Variants in PRCD observed in about 807,000 individuals in gnomAD.
PRCD encodes photoreceptor disc component.
In PRCD, 12 loss-of-function variants were observed where a neutral mutation model predicts 10.1. That is an observed-to-expected ratio of 1.18 (90% confidence interval 0.76 to 1.92). The LOEUF (loss-of-function observed/expected upper bound fraction) is 1.92, where lower values mean the gene tolerates loss of function less well. PRCD is among the 40% of genes most tolerant of loss of function. PRCD has a pLI of 0.00. For synonymous variants in PRCD, 31 were observed against 26.2 expected (o/e 1.18, Z -0.56); for missense variants, 61 against 72.2 (o/e 0.84, Z 0.56).
At position 76,531,178 on chromosome 17, in the gene PRCD, G is replaced by C. The variant is rs370736433; in HGVS notation, n.45+3345G>C. 894 of 1,595,690 alleles carry C rather than the reference G, an allele frequency of 5.6e-4. 1 individual carries two copies. The highest frequency in any genetic ancestry group is 7.3e-4 in the Non-Finnish European group (856 of 1,168,354). On this transcript the variant is annotated intron_variant and non_coding_transcript_variant, in intron 1 of 4. Transcript: ENST00000397633. This position sits in a 1 kb window ranked among gnomAD's most constrained non-coding sequence, Gnocchi z 7.4. The stretch of plus-strand genomic sequence containing the variant: ...AGGGAGGAAGGGGGAGTGAACGCCC[G>C]GGCGCCCTGCGTCCTGCAACCCCCA...
At chr17:76,535,457 G>A (rs1236589460), upstream of PRCD, among the ~76,000 whole-genome samples, 2 of 152,196 alleles carry the variant, frequency 1.3e-5, no homozygotes, top group Non-Finnish European at 2.9e-5. Context: ...CCTGGACAGA[G>A]ACAGGAGGAG....
At position 76,544,997 on chromosome 17, in the gene PRCD, C is replaced by T. The variant is rs780340686; in HGVS notation, c.*1347C>T. ...AGAGGAAGGGGCTGCTGGCGGCCAG[C>T]GGGGCTGTGGCTGCCTGGGCTTGGA... On this transcript the variant is annotated 3_prime_UTR_variant, in exon 5 of 5. Coordinates refer to ENST00000592014, the MANE Select transcript of PRCD (RefSeq NM_001077620.3). 65 of 441,116 alleles carry T rather than the reference C, an allele frequency of 1.5e-4. No homozygotes were observed. The highest frequency in any genetic ancestry group is 2.6e-4 in the African/African-American group (12 of 46,100). The allele number at this position is 441,116 out of a possible 1,614,324, so 27.3% of individuals were successfully genotyped here.
intron 1 of PRCD, among the ~76,000 whole-genome samples, chr17:76,534,144 C>CG (rs2074885673): frequency 9.2e-6 from 1 of 109,282 alleles, no homozygotes; most frequent in Non-Finnish European, 1.8e-5. Flanking sequence ...CTCTCTTTCT[C>CG]TTTCTCTCTC....
chr17:76,531,496 G>A lies in PRCD; in HGVS notation n.45+3663G>A, dbSNP rs1427019985. 11 of 1,612,990 alleles carry A rather than the reference G, an allele frequency of 6.8e-6. No homozygotes were observed. Among genetic ancestry groups the A allele is most frequent in the African/African-American group, 2.7e-5 (2 of 74,928 alleles). On this transcript the variant is annotated intron_variant and non_coding_transcript_variant, in intron 1 of 4. Transcript: ENST00000397633. The surrounding 1 kb of genome is among the most constrained non-coding windows in gnomAD (Gnocchi z 7.4). ...CCGGTTCCACCTTGTGCTTGAGGGC[G>A]TGGGCTTTCCCCACAAGGGCGAGCA...
intron 2 of PRCD, 92 bp from the exon 3 acceptor site, chr17:76,542,461 T>G: frequency 1.4e-6 from 2 of 1,453,014 alleles, no homozygotes; most frequent in Non-Finnish European, 1.9e-6. Context: ...TTGGGGTGAA[T>G]TGATAGGGAT....
At chr17:76,529,457 G>A (rs552413552) in intron 1 of PRCD, 4 of 985,334 alleles carry the variant, frequency 4.1e-6, no homozygotes, top group Non-Finnish European at 4.8e-6. Context: ...GGGTGGGGAG[G>A]GCAGGACGGG....
Position 76,544,198 on chromosome 17 carries a change from C to T in PRCD, c.*548C>T, listed in dbSNP as rs1400407118. The stretch of plus-strand genomic sequence containing the variant: ...CAGCTATTAGTCTTCAAAAACCCCC[C>T]GTGCCTCTGTGCACACGCGTCTCTC... On this transcript the variant is annotated 3_prime_UTR_variant, in exon 5 of 5. Coordinates refer to ENST00000592014, the MANE Select transcript of PRCD (RefSeq NM_001077620.3). 11 of 454,436 alleles carry T rather than the reference C, an allele frequency of 2.4e-5. No homozygotes were observed. The highest frequency in any genetic ancestry group is 4.0e-5 in the Non-Finnish European group (9 of 226,814). 28.2% of individuals were successfully genotyped at this position (454,436 alleles called of 1,614,324 possible). A position where few individuals can be genotyped will look rare whatever the true frequency, so the allele number is the denominator to read the frequency against.
chr17:76,535,697 G>A (rs1374801009), upstream of PRCD, among the ~76,000 whole-genome samples: 1 of 152,220 alleles, frequency 6.6e-6, no homozygotes, highest in Non-Finnish European at 1.5e-5. Flanking sequence ...GAGAGAGAAA[G>A]AAATCCTTGC....
In PRCD at chr17:76,540,247, T is replaced by TGTTG; in HGVS notation, c.74+33_74+34insTTGG. On this transcript the variant is annotated intron_variant, in intron 1 of 4. Transcript: ENST00000592014. This position sits in a 1 kb window ranked among gnomAD's most constrained non-coding sequence, Gnocchi z 5.0. ...AACTGACCGGGCTATGGCTGGCGGT[T>TGTTG]GGTCGGGGGGGGGGGGCATGGGGCT... The TGTTG allele has an allele frequency of 4.6e-6, 1 of 218,306 alleles. No homozygotes were observed. Among genetic ancestry groups the TGTTG allele is most frequent in the Non-Finnish European group, 7.7e-6 (1 of 129,614 alleles). The allele number at this position is 218,306 out of a possible 1,614,324, so 13.5% of individuals were successfully genotyped here.
At position 76,531,999 on chromosome 17, in the gene PRCD, T is replaced by A; in HGVS notation, n.45+4166T>A. The A allele has an allele frequency of 7.0e-6, 2 of 284,170 alleles. No individual in the cohort carries two copies. Among genetic ancestry groups the A allele is most frequent in the South Asian group, 1.5e-4 (2 of 13,096 alleles). The allele number at this position is 284,170 out of a possible 1,614,324, so 17.6% of individuals were successfully genotyped here. A position where few individuals can be genotyped will look rare whatever the true frequency, so the allele number is the denominator to read the frequency against. On this transcript the variant is annotated intron_variant and non_coding_transcript_variant, in intron 1 of 4. Coordinates refer to the PRCD transcript ENST00000397633. This position sits in a 1 kb window ranked among gnomAD's most constrained non-coding sequence, Gnocchi z 7.4. Reference sequence around the variant, plus strand: ...ACTCTACACCCCCTTCAAGCCCTGCTCTAGTCATAGCCGAGAGGGTAAGAA... The same window carrying A: ...ACTCTACACCCCCTTCAAGCCCTGCACTAGTCATAGCCGAGAGGGTAAGAA...
chr17:76,538,845 C>T (rs557094627), upstream of PRCD, among the ~76,000 whole-genome samples: 73 of 152,370 alleles, frequency 4.8e-4, no homozygotes, highest in Non-Finnish European at 7.8e-4. Context: ...AGGCTCCCGG[C>T]GACCCCTGTC....
chr17:76,537,492 C>T (rs760384447), upstream of PRCD: 18 of 1,583,822 alleles, frequency 1.1e-5, no homozygotes, highest in Middle Eastern at 1.7e-4. Flanking sequence ...CGGACAGCTC[C>T]TCGCTCCGCT....
Position 76,530,990 on chromosome 17 carries a change from G to T in PRCD, n.45+3157G>T. 2 of 1,606,210 alleles carry T rather than the reference G, an allele frequency of 1.2e-6. No homozygotes were observed. The highest frequency in any genetic ancestry group is 1.7e-6 in the Non-Finnish European group (2 of 1,175,732). On this transcript the variant is annotated intron_variant and non_coding_transcript_variant, in intron 1 of 4. Coordinates refer to the PRCD transcript ENST00000397633. This position sits in a 1 kb window ranked among gnomAD's most constrained non-coding sequence, Gnocchi z 6.1. Reference sequence around the variant, plus strand: ...GCCCGCCTCCTCACGTGGTGGCGTTGGGGACCTGCTGCACCCAGCCCACTT... The same window carrying T: ...GCCCGCCTCCTCACGTGGTGGCGTTTGGGACCTGCTGCACCCAGCCCACTT...
Position 76,544,240 on chromosome 17 carries a change from C to G in PRCD, c.*590C>G, listed in dbSNP as rs144319284. Reference sequence around the variant, plus strand: ...GCGTCTCTCCTCCCCAGCCAGCCCCCCTCCCAGCCCAGCGGCGATGTCTCT... The same window carrying G: ...GCGTCTCTCCTCCCCAGCCAGCCCCGCTCCCAGCCCAGCGGCGATGTCTCT... On this transcript the variant is annotated 3_prime_UTR_variant, in exon 5 of 5. Coordinates refer to ENST00000592014, the MANE Select transcript of PRCD (RefSeq NM_001077620.3). 124 of 454,466 alleles carry G rather than the reference C, an allele frequency of 2.7e-4. No homozygotes were observed. The highest frequency in any genetic ancestry group is 4.2e-4 in the Non-Finnish European group (96 of 226,808). The allele number at this position is 454,466 out of a possible 1,614,324, so 28.2% of individuals were successfully genotyped here.
rs2074972123 is a variant in PRCD, at chr17:76,540,250, TCGGGGGGG to T, written c.74+36_74+43del. ...TGACCGGGCTATGGCTGGCGGTTGG[TCGGGGGGG>T]GGGGGCATGGGGCTGGGCTGCCACC... is the stretch of plus-strand genomic sequence containing the variant. On this transcript the variant is annotated intron_variant, in intron 1 of 4. Coordinates refer to ENST00000592014, the MANE Select transcript of PRCD (RefSeq NM_001077620.3). This position sits in a 1 kb window ranked among gnomAD's most constrained non-coding sequence, Gnocchi z 5.0. 6.5e-6 allele frequency: 3 copies of T among 463,676 alleles called. No homozygotes were observed. Among genetic ancestry groups the T allele is most frequent in the Middle Eastern group, 4.7e-4 (1 of 2,128 alleles). The allele number at this position is 463,676 out of a possible 1,614,324, so 28.7% of individuals were successfully genotyped here.
upstream of PRCD, among the ~76,000 whole-genome samples, chr17:76,535,484 G>A (rs150044095): frequency 6.6e-6 from 1 of 152,152 alleles, no homozygotes; most frequent in East Asian, 1.9e-4. Context: ...AGGAAAGCAA[G>A]GCCCTGTGGG....
chr17:76,531,757 AG>A lies in PRCD; in HGVS notation n.45+3926del. ...GCCTCGGGCCCACCCTGAAGCTTCC[AG>A]GATAGTGGGGGCTGAAGAAGTGGAC... On this transcript the variant is annotated intron_variant and non_coding_transcript_variant, in intron 1 of 4. Coordinates refer to the PRCD transcript ENST00000397633. This position sits in a 1 kb window ranked among gnomAD's most constrained non-coding sequence, Gnocchi z 7.4. 1.4e-6 allele frequency: 2 copies of A among 1,385,444 alleles called. No homozygotes were observed. The highest frequency in any genetic ancestry group is 2.0e-6 in the Non-Finnish European group (2 of 1,009,012). The allele number at this position is 1,385,444 out of a possible 1,614,324, so 85.8% of individuals were successfully genotyped here. A position where few individuals can be genotyped will look rare whatever the true frequency, so the allele number is the denominator to read the frequency against.
In PRCD at chr17:76,531,087, G is replaced by A. The variant is rs1449068885; in HGVS notation, n.45+3254G>A. The A allele has an allele frequency of 1.2e-6, 2 of 1,613,662 alleles. No individual in the cohort carries two copies. The highest frequency in any genetic ancestry group is 1.7e-5 in the Admixed American group (1 of 59,996). ...GGCCCAGGCTCTCTGCGTCTCAGGTGGGAAGTCACTGGCAAATTCCTCGGC... is the reference window on the plus strand; with the variant it reads ...GGCCCAGGCTCTCTGCGTCTCAGGTAGGAAGTCACTGGCAAATTCCTCGGC... On this transcript the variant is annotated intron_variant and non_coding_transcript_variant, in intron 1 of 4. Transcript: ENST00000397633. This position sits in a 1 kb window ranked among gnomAD's most constrained non-coding sequence, Gnocchi z 7.4.
rs201090759 is a variant in PRCD, at chr17:76,540,236, T to A, written c.74+21T>A. ...CAACCGTGAGAAACTGACCGGGCTA[T>A]GGCTGGCGGTTGGTCGGGGGGGGGG... On this transcript the variant is annotated intron_variant, in intron 1 of 4. Coordinates refer to ENST00000592014, the MANE Select transcript of PRCD (RefSeq NM_001077620.3). The surrounding 1 kb of genome is among the most constrained non-coding windows in gnomAD (Gnocchi z 5.0). 3 of 500,734 alleles carry A rather than the reference T, an allele frequency of 6.0e-6. No homozygotes were observed. Among genetic ancestry groups the A allele is most frequent in the Non-Finnish European group, 9.4e-6 (3 of 319,834 alleles). The allele number at this position is 500,734 out of a possible 1,614,324, so 31.0% of individuals were successfully genotyped here.
Sources: gnomAD v4.1 joint callset for allele counts (sites outside exome capture counted in the v4.1 genomes callset) on GRCh38, gnomAD v4.1.1 for gene constraint, Gnocchi (gnomAD v3.1) non-coding constraint, MANE v1.5 for transcripts, NCBI Gene and HGNC (gene_info 2026-07-23, HGNC 2026-07-21) for gene names.